HCN1: variants seen among roughly 807,000 people sequenced by gnomAD.
HCN1 encodes the protein potassium/sodium hyperpolarization-activated cyclic nucleotide-gated channel 1.
HCN1 carries 13 observed loss-of-function variants against 78.9 expected under a neutral mutation model. That is an observed-to-expected ratio of 0.16 (90% CI 0.11 to 0.26). HCN1 has a LOEUF of 0.26. Ranked by LOEUF, HCN1 falls within the 10% of genes least tolerant of loss-of-function variation. The pLI, the probability that HCN1 is intolerant of heterozygous loss-of-function variation, is 1.00. For missense variants in HCN1, 810 were observed against 1,154.3 expected (o/e 0.70, Z 4.32); for synonymous variants, 552 against 455.5 (o/e 1.21, Z -2.70).
chr5:45,449,262 G>T (rs1379428627), intron 3 of HCN1, among the ~76,000 whole-genome samples: 1 of 152,150 alleles, frequency 6.6e-6, no homozygotes, highest in Non-Finnish European at 1.5e-5. Flanking sequence ...TAGCATAAGA[G>T]AACCAGTAGA....
chr5:45,660,774 C>A (rs1331127444), intron 1 of HCN1, among the ~76,000 whole-genome samples: 8 of 129,718 alleles, frequency 6.2e-5, no homozygotes, highest in East Asian at 2.3e-4. Flanking sequence ...TATTTATGCA[C>A]CCAATACAGG....
intron 2 of HCN1, among the ~76,000 whole-genome samples, chr5:45,494,817 T>A (rs1265987999): frequency 1.3e-5 from 2 of 152,356 alleles, no homozygotes; most frequent in Middle Eastern, 3.4e-3. Context: ...TTTCTACATA[T>A]GGCTAGCCAG....
intron 5 of HCN1, among the ~76,000 whole-genome samples, chr5:45,318,885 G>A (rs1746062065): frequency 1.3e-5 from 2 of 152,072 alleles, no homozygotes; most frequent in East Asian, 3.9e-4. Context: ...TAGCTATTCT[G>A]ATTTCTATCA....
chr5:45,597,293 C>T (rs1306386511), intron 2 of HCN1, among the ~76,000 whole-genome samples: 8 of 152,042 alleles, frequency 5.3e-5, no homozygotes, highest in Non-Finnish European at 1.0e-4. Flanking sequence ...TAATCCATCA[C>T]GTAAACAGAT....
At chr5:45,518,199 A>C (rs1742547477) in intron 2 of HCN1, among the ~76,000 whole-genome samples, 1 of 152,124 alleles carries the variant, frequency 6.6e-6, no homozygotes, top group African/African-American at 2.4e-5. Context: ...ACCATAGTCT[A>C]TGATGTACAA....
intron 2 of HCN1, among the ~76,000 whole-genome samples, chr5:45,567,796 A>G (rs1743740101): frequency 6.6e-6 from 1 of 152,020 alleles, no homozygotes; most frequent in East Asian, 1.9e-4. Context: ...CTGTCCCTGG[A>G]AAGTTTTTAA....
chr5:45,544,324 G>C (rs1743163610), intron 2 of HCN1, among the ~76,000 whole-genome samples: 1 of 152,032 alleles, frequency 6.6e-6, no homozygotes, highest in African/African-American at 2.4e-5. Context: ...CTAGAATCTT[G>C]TTAAATCAAT....
chr5:45,626,900 A>G (rs1745172791), intron 2 of HCN1, among the ~76,000 whole-genome samples: 1 of 151,510 alleles, frequency 6.6e-6, no homozygotes, highest in South Asian at 2.1e-4. Flanking sequence ...ATACTTATAT[A>G]TGTATGTGAC....
At chr5:45,326,787 T>C (rs973240979) in intron 5 of HCN1, among the ~76,000 whole-genome samples, 1 of 151,628 alleles carries the variant, frequency 6.6e-6, no homozygotes, top group South Asian at 2.1e-4. Flanking sequence ...AGGTATTTAA[T>C]CACATAGAAA....
chr5:45,464,420 A>G (rs1448191480), intron 2 of HCN1, among the ~76,000 whole-genome samples: 1 of 152,116 alleles, frequency 6.6e-6, no homozygotes, highest in Non-Finnish European at 1.5e-5. Context: ...CAGTAACTCT[A>G]CTATCTTTAG....
At chr5:45,314,043 T>A (rs540460744) in intron 5 of HCN1, among the ~76,000 whole-genome samples, 1 of 151,816 alleles carries the variant, frequency 6.6e-6, no homozygotes, top group Non-Finnish European at 1.5e-5. Flanking sequence ...GAAGAGCAAC[T>A]CCAAGACAAA....
At chr5:45,570,928 C>T (rs1561205196) in intron 2 of HCN1, among the ~76,000 whole-genome samples, 2 of 152,064 alleles carry the variant, frequency 1.3e-5, no homozygotes, top group Non-Finnish European at 2.9e-5. Flanking sequence ...CTATCATGCT[C>T]ATATTTCATA....
chr5:45,371,448 C>G (rs1056740324), intron 4 of HCN1, among the ~76,000 whole-genome samples: 2 of 151,756 alleles, frequency 1.3e-5, no homozygotes, highest in Non-Finnish European at 2.9e-5. Flanking sequence ...GGGGATATTA[C>G]CACTGAACCC....
At chr5:45,274,153 T>C (rs1335444619) in intron 6 of HCN1, among the ~76,000 whole-genome samples, 1 of 152,160 alleles carries the variant, frequency 6.6e-6, no homozygotes, top group Non-Finnish European at 1.5e-5. Context: ...TATTATAATA[T>C]TCTAATAACC....
chr5:45,478,519 G>A (rs1013320216), intron 2 of HCN1, among the ~76,000 whole-genome samples: 3 of 152,150 alleles, frequency 2.0e-5, no homozygotes, highest in Non-Finnish European at 4.4e-5. Flanking sequence ...CATCAGCACA[G>A]GTAGGCCTCA....
chr5:45,341,872 C>A (rs1746589303), intron 5 of HCN1, among the ~76,000 whole-genome samples: 1 of 152,206 alleles, frequency 6.6e-6, no homozygotes, highest in South Asian at 2.1e-4. Flanking sequence ...CACTCCCACT[C>A]ACTCTGCTCA....
intron 6 of HCN1, among the ~76,000 whole-genome samples, chr5:45,275,309 A>G (rs560547582): frequency 6.6e-6 from 1 of 152,184 alleles, no homozygotes; most frequent in East Asian, 1.9e-4. Flanking sequence ...ACATCAGATT[A>G]AAAATATTCT....
intron 4 of HCN1, among the ~76,000 whole-genome samples, chr5:45,372,553 A>G (rs1387991253): frequency 7.7e-6 from 1 of 129,080 alleles, no homozygotes; most frequent in Non-Finnish European, 1.6e-5. Context: ...ATAAAAATAT[A>G]TAAAACATTT....
At position 45,626,598 on chromosome 5, in the gene HCN1, A is replaced by G. The variant is rs1043318388; in HGVS notation, c.849+18587T>C. Among the ~76,000 whole-genome samples, 4 of 152,350 alleles carry G rather than the reference A, an allele frequency of 2.6e-5. No individual in the cohort carries two copies. In the East Asian group the frequency reaches 7.7e-4, roughly 29 times the overall value. The stretch of plus-strand genomic sequence containing the variant: ...GTGTTCAGGAAATATCTATTTGTGA[A>G]GGTTAAGATCTGAGCTAAGATTGGG... On this transcript the variant is annotated intron_variant, in intron 2 of 7. Coordinates refer to ENST00000303230, the MANE Select transcript of HCN1 (RefSeq NM_021072.4).
Sources: gnomAD v4.1 joint callset for allele counts (sites outside exome capture counted in the v4.1 genomes callset) on GRCh38, gnomAD v4.1.1 for gene constraint, MANE v1.5 for transcripts, NCBI Gene and HGNC (gene_info 2026-07-23, HGNC 2026-07-21) for gene names.